Variants in AOX1 observed in about 807,000 individuals in gnomAD.
AOX1 encodes the protein aldehyde oxidase 1, also known as aldehyde oxidase.
In AOX1, 153 loss-of-function variants were observed where a neutral mutation model predicts 169.5. The observed-to-expected ratio is 0.90, with a 90% CI of 0.79 to 1.03. The LOEUF (loss-of-function observed/expected upper bound fraction) is 1.03, where lower values mean the gene tolerates loss of function less well. AOX1 is among the 50% of genes least tolerant of loss of function. The probability of loss-of-function intolerance (pLI) is 0.00; values close to 1 mark genes in which losing one functional copy is unlikely to be tolerated. For missense variants in AOX1, 1,656 were observed against 1,663.9 expected (o/e 1.00, Z 0.08); for synonymous variants, 562 against 581.9 (o/e 0.97, Z 0.49).
intron 25 of AOX1, among the ~76,000 whole-genome samples, chr2:200,648,216 G>A (rs906824987): frequency 2.0e-5 from 3 of 152,124 alleles, no homozygotes; most frequent in Non-Finnish European, 4.4e-5. Flanking sequence ...CATTTGGGTA[G>A]GCTCTGTCAG....
rs1033023961 is a variant in AOX1, at chr2:200,586,146, G to A, written c.38G>A (p.Gly13Asp). 4 of 1,562,898 alleles carry A rather than the reference G, an allele frequency of 2.6e-6. No individual in the cohort carries two copies. In the African/African-American group the frequency reaches 5.4e-5, roughly 21 times the overall value. ...TCCGAGCTGCTCTTCTACGTGAACG[G>A]CCGCAAGGTGAGCGCCCGCGGGCTT... Reference protein sequence around the residue: ...RASELLFYVNGRKVIEKNVDP... With the variant: ...RASELLFYVNDRKVIEKNVDP... The change falls in exon 1 of 35, where the codon GGC (glycine) becomes GAC (aspartate). Residue 13 changes from glycine (G) to aspartate (D), a missense_variant. Transcript: ENST00000374700.
intron 18 of AOX1, among the ~76,000 whole-genome samples, chr2:200,623,291 A>G (rs1299538053): frequency 1.3e-5 from 2 of 152,206 alleles, no homozygotes; most frequent in East Asian, 3.8e-4. Flanking sequence ...CTGCAGGCGA[A>G]TAATCCTAGC....
intron 20 of AOX1, among the ~76,000 whole-genome samples, chr2:200,630,680 T>C (rs1295182422): frequency 1.3e-5 from 2 of 152,176 alleles, no homozygotes; most frequent in Admixed American, 1.3e-4. Context: ...TCCTCTTGAC[T>C]CACAAGTTTG....
chr2:200,606,821 C>G (rs931451890), intron 10 of AOX1, among the ~76,000 whole-genome samples: 10 of 152,214 alleles, frequency 6.6e-5, no homozygotes, highest in African/African-American at 2.4e-4. Flanking sequence ...GTGATTTTTG[C>G]ACATTGATTT....
intron 14 of AOX1, 32 bp from the exon 15 acceptor site, chr2:200,613,772 C>T: frequency 1.3e-6 from 2 of 1,585,966 alleles, no homozygotes; most frequent in African/African-American, 2.7e-5. Context: ...TAAACCCTGT[C>T]AGGCTAGGAG....
At chr2:200,616,713 C>A (rs2348020) in intron 16 of AOX1, among the ~76,000 whole-genome samples, 53,651 of 151,988 alleles carry the variant, frequency 0.35, 9,566 homozygotes, top group East Asian at 0.44. Context: ...CTGAAGTCAC[C>A]CTGTTGGTAA....
In AOX1 at chr2:200,650,936, G is replaced by A. The variant is rs34436757; in HGVS notation, c.2848-38G>A. 10,995 of 1,595,474 alleles carry A rather than the reference G, an allele frequency of 6.9e-3. 163 individuals are homozygous for A. The highest frequency in any genetic ancestry group is 0.039 in the South Asian group (3,540 of 89,966). On this transcript the variant is annotated intron_variant, in intron 25 of 34. Coordinates refer to ENST00000374700, the MANE Select transcript of AOX1 (RefSeq NM_001159.4). Reference sequence around the variant, plus strand: ...GAATGGATGAGCCTATGTCTGCTGGGTTTCCCCTCCCAGCTTTAATCTCCT... The same window carrying A: ...GAATGGATGAGCCTATGTCTGCTGGATTTCCCCTCCCAGCTTTAATCTCCT...
At position 200,612,619 on chromosome 2, in the gene AOX1, T is replaced by G. The variant is rs781348578; in HGVS notation, c.1274T>G (p.Val425Gly). Residue 425 changes from valine to glycine, a missense_variant, in exon 14 of 35, where the codon GTG becomes GGG. Physicochemically the swap from Val to Gly is moderately radical, Grantham distance 109. Transcript: ENST00000374700. ...NIPYSRKWEF[V>G]SAFRQAQRQE... ...AACTGTTTCTTTCAGTGGGAATTTGTGTCAGCCTTCCGACAAGCCCAGCGA... is the reference window on the plus strand; with the variant it reads ...AACTGTTTCTTTCAGTGGGAATTTGGGTCAGCCTTCCGACAAGCCCAGCGA... 6.8e-6 allele frequency: 11 copies of G among 1,613,472 alleles called. No individual in the cohort carries two copies. Among genetic ancestry groups the G allele is most frequent in the Middle Eastern group, 1.7e-4 (1 of 5,802 alleles).
rs1022964445 is a variant in AOX1, at chr2:200,668,741, A to G, written c.3736A>G (p.Thr1246Ala). The change falls in exon 33 of 35, where the codon ACG becomes GCG. Residue 1246 changes from threonine (T) to alanine (A), a missense_variant. Physicochemically the swap from Thr to Ala is moderately conservative, Grantham distance 58 (BLOSUM62 0). Coordinates refer to ENST00000374700, the MANE Select transcript of AOX1 (RefSeq NM_001159.4). ...AATCCCTGCCATCTGTGACATGCCC[A>G]CGGAGTTGCACATTGCTTTGTTGCC... The part of the protein sequence containing the change: ...YKIPAICDMP[T>A]ELHIALLPPS... The G allele has an allele frequency of 1.2e-6, 2 of 1,614,082 alleles. No individual in the cohort carries two copies. The highest frequency in any genetic ancestry group is 2.7e-5 in the African/African-American group (2 of 74,940).
In AOX1 at chr2:200,669,505, G is replaced by T. The variant is rs565118984; in HGVS notation, c.3799-70G>T. On this transcript the variant is annotated intron_variant, in intron 33 of 34. Coordinates refer to ENST00000374700, the MANE Select transcript of AOX1 (RefSeq NM_001159.4). Reference sequence around the variant, plus strand: ...GTAATATTTTTATATATGCACATATGCTATAAATATGCACATATATACAGA... The same window carrying T: ...GTAATATTTTTATATATGCACATATTCTATAAATATGCACATATATACAGA... 2.7e-5 allele frequency: 40 copies of T among 1,481,458 alleles called. No individual in the cohort carries two copies. In the African/African-American group the frequency reaches 5.2e-4, roughly 19 times the overall value. The allele number at this position is 1,481,458 out of a possible 1,614,324, so 91.8% of individuals were successfully genotyped here.
chr2:200,644,765 A>G (rs1422147359), intron 25 of AOX1, among the ~76,000 whole-genome samples: 2 of 152,046 alleles, frequency 1.3e-5, no homozygotes, highest in Non-Finnish European at 2.9e-5. Context: ...TTGATTAGGT[A>G]TATTCCTAAG....
At position 200,620,677 on chromosome 2, in the gene AOX1, G is replaced by A; in HGVS notation, c.1732G>A (p.Asp578Asn). 1 of 1,561,426 alleles carries A rather than the reference G, an allele frequency of 6.4e-7. No individual in the cohort carries two copies. Among genetic ancestry groups the A allele is most frequent in the Non-Finnish European group, 8.6e-7 (1 of 1,163,442 alleles). The part of the protein sequence containing the change: ...QNIGPKQHPE[D>N]PIGHPIMHLS... Reference sequence around the variant, plus strand: ...TATAGGCCCAAAGCAGCATCCTGAAGACCCAATTGGCCACCCCATCATGCA... The same window carrying A: ...TATAGGCCCAAAGCAGCATCCTGAAAACCCAATTGGCCACCCCATCATGCA... The change falls in exon 17 of 35, where the codon GAC becomes AAC. Residue 578 changes from aspartate (D) to asparagine (N), a missense_variant. Transcript: ENST00000374700.
rs1038113865 is a variant in AOX1 at position 200,610,947 on chromosome 2, G to T, written c.1154-437G>T. 5.9e-5 allele frequency among the ~76,000 whole-genome samples: 9 copies of T among 152,054 alleles called. 1 individual carries two copies. Among genetic ancestry groups the T allele is most frequent in the African/African-American group, 1.7e-4 (7 of 41,386 alleles). ...CAGCTCACTGCAACCTCTCCCTCCC[G>T]GGTTCAAGTGATTTTCCTGCCTCAG... On this transcript the variant is annotated intron_variant, in intron 12 of 34. Coordinates refer to ENST00000374700, the MANE Select transcript of AOX1 (RefSeq NM_001159.4).
At position 200,651,581 on chromosome 2, in the gene AOX1, C is replaced by T. The variant is rs1031389409; in HGVS notation, c.3075+380C>T. On this transcript the variant is annotated intron_variant, in intron 26 of 34. Transcript: ENST00000374700. ...GACTCCTCTTCCAGTGTCCGCAATT[C>T]GGTGTCGCTGGACCATGAAATAGAA... Among the ~76,000 whole-genome samples, 7 of 152,248 alleles carry T rather than the reference C, an allele frequency of 4.6e-5. No individual in the cohort carries two copies. In the South Asian group the frequency reaches 6.3e-4, roughly 14 times the overall value.
intron 22 of AOX1, 58 bp from the exon 23 acceptor site, chr2:200,638,157 C>G: frequency 6.6e-7 from 1 of 1,524,044 alleles, no homozygotes; most frequent in South Asian, 1.1e-5. Context: ...TTATATAAAC[C>G]CCAGAGAATG....
intron 25 of AOX1, among the ~76,000 whole-genome samples, chr2:200,643,012 G>T (rs1400991299): frequency 6.6e-6 from 1 of 152,138 alleles, no homozygotes; most frequent in Non-Finnish European, 1.5e-5. Context: ...TGAAGCAGAA[G>T]ATCCTGAGGA....
rs983163864 is a variant in AOX1 at position 200,635,093 on chromosome 2, T to C, written c.2346+178T>C. On this transcript the variant is annotated intron_variant, in intron 21 of 34. Transcript: ENST00000374700. ...CACCACTGCACTCCAGCCTGGGAGA[T>C]AGAGTGAGACCCTGTCTCTAACACA... Among the ~76,000 whole-genome samples the C allele has an allele frequency of 2.0e-5, 3 of 152,100 alleles. No homozygotes were observed. The South Asian group carries it at 6.2e-4, about 32-fold the overall frequency.
intron 25 of AOX1, among the ~76,000 whole-genome samples, chr2:200,648,750 G>A (rs1435873923): frequency 6.6e-6 from 1 of 152,148 alleles, no homozygotes; most frequent in Non-Finnish European, 1.5e-5. Flanking sequence ...CTGTCCTTGG[G>A]TGGGTCTTGC....
Position 200,650,971 on chromosome 2 carries a change from T to C in AOX1, c.2848-3T>C. The C allele has an allele frequency of 3.7e-6, 6 of 1,613,810 alleles. No homozygotes were observed. Among genetic ancestry groups the C allele is most frequent in the East Asian group, 2.2e-5 (1 of 44,864 alleles). ...CCAGCTTTAATCTCCTTTTCTTTCA[T>C]AGGTGCGAATCATAAACATGTACAA... On this transcript the variant is annotated splice_region_variant and splice_polypyrimidine_tract_variant and intron_variant, in intron 25 of 34. Transcript: ENST00000374700.
Sources: gnomAD v4.1 joint callset for allele counts (sites outside exome capture counted in the v4.1 genomes callset) on GRCh38, gnomAD v4.1.1 for gene constraint, MANE v1.5 for transcripts, NCBI Gene and HGNC (gene_info 2026-07-23, HGNC 2026-07-21) for gene names.